The following CHLSN variants were observed in gnomAD, a reference collection of about 807,000 sequenced individuals.
CHLSN encodes the protein protein cholesin.
chr7:1,000,689 A>T, the CHLSN span: 1 of 658,754 alleles, frequency 1.5e-6, no homozygotes, highest in Non-Finnish European at 2.6e-6. Context: ...TCATGTGAAG[A>T]GGGTTTTTGG....
At chr7:1,005,830 G>A in the CHLSN span, among the ~76,000 whole-genome samples, 6 of 152,160 alleles carry the variant, frequency 3.9e-5, no homozygotes, top group Admixed American at 6.5e-5. Flanking sequence ...TGTGGCCCGG[G>A]TCCCAGTTCC....
the CHLSN span, among the ~76,000 whole-genome samples, chr7:1,032,847 G>C: frequency 6.6e-6 from 1 of 152,204 alleles, no homozygotes; most frequent in Non-Finnish European, 1.5e-5. Flanking sequence ...TGTGGGCAGC[G>C]CCTCTGCCCC....
the CHLSN span, chr7:984,376 G>T: frequency 6.5e-7 from 1 of 1,540,074 alleles, no homozygotes. Context: ...TCTTGTGGGT[G>T]AGGGCTGCCC....
At chr7:1,075,609 T>C in the CHLSN span, among the ~76,000 whole-genome samples, 1 of 30,032 alleles carries the variant, frequency 3.3e-5, no homozygotes, top group African/African-American at 1.2e-4. Flanking sequence ...ATCGGGTCAC[T>C]TTTTTTTTTT....
At chr7:1,035,936 C>T in the CHLSN span, among the ~76,000 whole-genome samples, 1 of 151,944 alleles carries the variant, frequency 6.6e-6, no homozygotes, top group Non-Finnish European at 1.5e-5. Flanking sequence ...CCAGACAGCA[C>T]AAGAAAGGCT....
At chr7:1,124,559 CG>C in the CHLSN span, among the ~76,000 whole-genome samples, 1 of 50,904 alleles carries the variant, frequency 2.0e-5, no homozygotes, top group African/African-American at 1.0e-4. Flanking sequence ...AAGAGGCAGT[CG>C]GGGGGTGGGG....
the CHLSN span, chr7:1,092,317 C>A: frequency 1.2e-6 from 2 of 1,611,608 alleles, no homozygotes; most frequent in Non-Finnish European, 1.7e-6. Flanking sequence ...CACCGCCGTG[C>A]ACCTGCAGCA....
At chr7:1,132,516 G>A in the CHLSN span, among the ~76,000 whole-genome samples, 1 of 152,032 alleles carries the variant, frequency 6.6e-6, no homozygotes, top group Non-Finnish European at 1.5e-5. Context: ...AACATGGTGA[G>A]GCTCCATCTC....
the CHLSN span, among the ~76,000 whole-genome samples, chr7:1,073,909 GACCCCGC>G: frequency 4.7e-5 from 1 of 21,494 alleles, no homozygotes; most frequent in Non-Finnish European, 8.1e-5. Flanking sequence ...TCACGCCCCC[GACCCCGC>G]ACCCCGCCGC....
At chr7:1,009,845 C>A in the CHLSN span, 1 of 1,038,212 alleles carries the variant, frequency 9.6e-7, no homozygotes, top group South Asian at 1.7e-5. Flanking sequence ...TACCTCACTG[C>A]TCTAGAACCT....
At chr7:1,037,434 C>T in the CHLSN span, among the ~76,000 whole-genome samples, 15 of 122,266 alleles carry the variant, frequency 1.2e-4, 3 homozygotes, top group Non-Finnish European at 2.3e-4. Context: ...TTGGTGGAGA[C>T]GGGGTTTCGC....
the CHLSN span, among the ~76,000 whole-genome samples, chr7:1,006,088 C>A: frequency 1.3e-5 from 2 of 152,238 alleles, no homozygotes; most frequent in Non-Finnish European, 2.9e-5. Context: ...ACAGGCTTGC[C>A]CGCTGACAGC....
chr7:1,064,895 C>T, the CHLSN span, among the ~76,000 whole-genome samples: 13,000 of 152,310 alleles, frequency 0.085, 688 homozygotes, highest in Non-Finnish European at 0.11. Context: ...GGGTGGGAAA[C>T]GCCGGGTCAA....
chr7:986,505 C>G, the CHLSN span: 1 of 1,228,194 alleles, frequency 8.1e-7, no homozygotes, highest in Non-Finnish European at 1.2e-6. Context: ...GTGGCCGCCT[C>G]CAGCACATCC....
chr7:1,076,318 C>G, the CHLSN span: 2 of 159,856 alleles, frequency 1.3e-5, no homozygotes, highest in East Asian at 3.7e-4. Flanking sequence ...GGAGGAGCAC[C>G]GCCAAGGAGG....
the CHLSN span, among the ~76,000 whole-genome samples, chr7:1,136,411 CATATATATAAATATATATAAACAT>C: frequency 3.2e-5 from 1 of 31,000 alleles, no homozygotes; most frequent in Admixed American, 3.3e-4. Flanking sequence ...TATATATAAA[CATATATATAAATATATATAAACAT>C]ATATATAAAT....
the CHLSN span, among the ~76,000 whole-genome samples, chr7:1,011,640 C>A: frequency 6.6e-6 from 1 of 151,148 alleles, no homozygotes; most frequent in African/African-American, 2.4e-5. Context: ...ACCCAGACAC[C>A]CACAAACACC....
At chr7:1,059,834 T>TTAGGCAGGCCC in the CHLSN span, among the ~76,000 whole-genome samples, 3 of 30,194 alleles carry the variant, frequency 9.9e-5, no homozygotes, top group African/African-American at 5.6e-4. Flanking sequence ...GGGGCGGGTC[T>TTAGGCAGGCCC]GTAGTGAGGC....
the CHLSN span, among the ~76,000 whole-genome samples, chr7:1,038,870 C>T: frequency 1.5e-5 from 1 of 66,764 alleles, no homozygotes. Context: ...CCGCCCTGTC[C>T]GGGAGGGAGG....
Sources: allele counts gnomAD v4.1 joint callset (sites outside exome capture counted in the v4.1 genomes callset), GRCh38; gene constraint gnomAD v4.1.1; transcripts MANE v1.5; gene names NCBI Gene and HGNC (gene_info 2026-07-23, HGNC 2026-07-21).